Variants in RRBP1 observed in about 807,000 individuals in gnomAD.
RRBP1 encodes ribosome binding protein 1.
A neutral mutation model predicts 165.2 loss-of-function variants in RRBP1; 94 were observed. The observed-to-expected ratio is 0.57, with a 90% CI of 0.48 to 0.68. The LOEUF is 0.68. Ranked by LOEUF, RRBP1 falls within the 30% of genes least tolerant of loss-of-function variation. The probability of loss-of-function intolerance (pLI) is 0.00; values close to 1 mark genes in which losing one functional copy is unlikely to be tolerated. For synonymous variants in RRBP1, 680 were observed against 714.5 expected (o/e 0.95, Z 0.77); for missense variants, 1,676 against 1,763.0 (o/e 0.95, Z 0.88).
At chr20:17,618,539 T>C (rs2035844927) in intron 20 of RRBP1, 57 bp downstream of exon 20, 1 of 1,303,114 alleles carries the variant, frequency 7.7e-7, no homozygotes, top group African/African-American at 1.5e-5. Flanking sequence ...CAAATGCATC[T>C]CACACACGCA....
chr20:17,644,268 C>A (rs1390017620), intron 3 of RRBP1, among the ~76,000 whole-genome samples: 1 of 152,072 alleles, frequency 6.6e-6, no homozygotes, highest in Non-Finnish European at 1.5e-5. Context: ...TAAAAATAAC[C>A]ATGTTGACAC....
intron 20 of RRBP1, 41 bp from the exon 21 acceptor site, chr20:17,616,880 C>T: frequency 1.2e-5 from 17 of 1,455,102 alleles, no homozygotes; most frequent in Non-Finnish European, 1.5e-5. Flanking sequence ...CACAGCCAGT[C>T]GCACACCCAC....
chr20:17,645,301 G>A (rs1188487599), intron 3 of RRBP1, among the ~76,000 whole-genome samples: 2 of 152,218 alleles, frequency 1.3e-5, no homozygotes, highest in Non-Finnish European at 2.9e-5. Flanking sequence ...GAGTGTTCTC[G>A]GAGCGGCATT....
chr20:17,660,732 G>A (rs575872678), intron 2 of RRBP1, among the ~76,000 whole-genome samples: 14 of 152,304 alleles, frequency 9.2e-5, no homozygotes, highest in Non-Finnish European at 2.1e-4. Flanking sequence ...CCCAAGGCAT[G>A]AGCAGTCCCC....
intron 9 of RRBP1, among the ~76,000 whole-genome samples, chr20:17,628,525 T>C (rs1414373276): frequency 6.6e-6 from 1 of 152,198 alleles, no homozygotes; most frequent in East Asian, 1.9e-4. Context: ...CTGGTGTCAG[T>C]GTCCAGAAGC....
At chr20:17,667,217 TA>T (rs1191619424) in intron 2 of RRBP1, among the ~76,000 whole-genome samples, 7 of 152,262 alleles carry the variant, frequency 4.6e-5, no homozygotes, top group Middle Eastern at 6.8e-3. Context: ...AACTTGCCCA[TA>T]AAACCATCAG....
intron 3 of RRBP1, among the ~76,000 whole-genome samples, chr20:17,649,393 T>C (rs552114999): frequency 6.6e-6 from 1 of 152,346 alleles, no homozygotes; most frequent in South Asian, 2.1e-4. Context: ...AGCTTTGCTT[T>C]CTGCTTCTGT....
chr20:17,621,802 G>A (rs376393425), intron 14 of RRBP1, 29 bp from the exon 15 acceptor site: 13 of 1,612,456 alleles, frequency 8.1e-6, no homozygotes, highest in East Asian at 6.7e-5. Flanking sequence ...GGTGAGACCC[G>A]GGGACATTCC....
intron 2 of RRBP1, among the ~76,000 whole-genome samples, chr20:17,664,005 T>C (rs188521344): frequency 1.1e-3 from 171 of 152,340 alleles, no homozygotes; most frequent in Non-Finnish European, 2.0e-3. Flanking sequence ...ACTGCAGTAA[T>C]ACTGAATCCT....
intron 3 of RRBP1, 56 bp downstream of exon 3, chr20:17,658,540 T>C: frequency 7.0e-7 from 1 of 1,438,750 alleles, no homozygotes; most frequent in Non-Finnish European, 9.4e-7. Context: ...AGAGAATCCA[T>C]AAGTCATTTA....
chr20:17,661,567 T>G (rs752028532), intron 2 of RRBP1, among the ~76,000 whole-genome samples: 1 of 152,206 alleles, frequency 6.6e-6, no homozygotes, highest in Non-Finnish European at 1.5e-5. Context: ...AAGTTCGACT[T>G]CACTGAGGAA....
chr20:17,676,277 C>T (rs529297347), intron 2 of RRBP1, among the ~76,000 whole-genome samples: 2 of 152,178 alleles, frequency 1.3e-5, no homozygotes, highest in Admixed American at 6.5e-5. Flanking sequence ...AATGGTCACA[C>T]TGGCTCTGTC....
intron 17 of RRBP1, 110 bp downstream of exon 17, chr20:17,620,605 A>G: frequency 1.1e-6 from 1 of 883,540 alleles, no homozygotes; most frequent in Non-Finnish European, 1.8e-6. Flanking sequence ...TGTCGTGGAA[A>G]AGCCCCACCG....
chr20:17,633,238 C>CTTAGCATACA (rs1828664070), intron 8 of RRBP1, among the ~76,000 whole-genome samples: 2 of 152,242 alleles, frequency 1.3e-5, no homozygotes, highest in African/African-American at 4.8e-5. Flanking sequence ...CAGAACAGTG[C>CTTAGCATACA]TTAGCATACA....
intron 2 of RRBP1, among the ~76,000 whole-genome samples, chr20:17,662,783 C>G (rs2036789911): frequency 6.6e-6 from 1 of 152,274 alleles, no homozygotes; most frequent in South Asian, 2.1e-4. Context: ...AGTCAACCCT[C>G]ACTTTTTGGC....
chr20:17,642,808 T>C (rs1453860890), intron 4 of RRBP1, among the ~76,000 whole-genome samples, 171 bp downstream of exon 4: 3 of 152,178 alleles, frequency 2.0e-5, no homozygotes, highest in Non-Finnish European at 4.4e-5. Flanking sequence ...CATGGGTGGC[T>C]TGACAGAAGC....
At chr20:17,644,025 A>G (rs535137099) in intron 3 of RRBP1, among the ~76,000 whole-genome samples, 17 of 150,640 alleles carry the variant, frequency 1.1e-4, no homozygotes, top group Non-Finnish European at 1.6e-4. Context: ...ACAGGCCTAC[A>G]GCAGCCCCTC....
chr20:17,658,312 A>G (rs1211672285), intron 3 of RRBP1, among the ~76,000 whole-genome samples: 1 of 152,156 alleles, frequency 6.6e-6, no homozygotes, highest in Non-Finnish European at 1.5e-5. Flanking sequence ...AGGACCACAC[A>G]TGGAACTGAC....
At chr20:17,629,224 G>A (rs2122300329) in intron 9 of RRBP1, among the ~76,000 whole-genome samples, 1 of 152,374 alleles carries the variant, frequency 6.6e-6, no homozygotes. Context: ...CTTGGCCTGG[G>A]GAGGGGCTCG....
Sources: allele counts gnomAD v4.1 joint callset (sites outside exome capture counted in the v4.1 genomes callset), GRCh38; gene constraint gnomAD v4.1.1; transcripts MANE v1.5; gene names NCBI Gene and HGNC (gene_info 2026-07-23, HGNC 2026-07-21).